ZEB1: variants seen among roughly 807,000 people sequenced by gnomAD.
ZEB1 encodes the protein zinc finger E-box binding homeobox 1.
A neutral mutation model predicts 84.9 loss-of-function variants in ZEB1; 21 were observed. The observed-to-expected ratio is 0.25, with a 90% confidence interval of 0.18 to 0.36. The LOEUF is 0.36. Among genes scored for constraint, ZEB1 ranks in the 10% least tolerant of loss-of-function variants. ZEB1 has a pLI of 1.00. For missense variants in ZEB1, 1,104 were observed against 1,330.2 expected (o/e 0.83, Z 2.65); for synonymous variants, 420 against 471.1 (o/e 0.89, Z 1.41).
chr10:31,356,027 G>A (rs2042064131), intron 1 of ZEB1, among the ~76,000 whole-genome samples: 1 of 152,000 alleles, frequency 6.6e-6, no homozygotes, highest in Admixed American at 6.6e-5. Context: ...TGAAATTTGG[G>A]ATGTGAACAA....
At chr10:31,353,480 T>C (rs541558916) in intron 1 of ZEB1, among the ~76,000 whole-genome samples, 1 of 152,350 alleles carries the variant, frequency 6.6e-6, no homozygotes, top group Non-Finnish European at 1.5e-5. Flanking sequence ...AGTGGCTATT[T>C]GCCATAGTTC....
rs2050920683 is a variant in ZEB1 at position 31,397,163 on chromosome 10, TTATTA to T, written c.59-63872_59-63868del. On this transcript the variant is annotated intron_variant, in intron 1 of 8. Coordinates refer to ENST00000424869, the MANE Select transcript of ZEB1 (RefSeq NM_001174096.2). ...GAGAAGCTTCATCTTGGGTTTTTTA[TTATTA>T]TTATTATTATTATTATTATTATTAT... Among the ~76,000 whole-genome samples the T allele has an allele frequency of 6.6e-5, 4 of 60,448 alleles. No homozygotes were observed. The South Asian group carries it at 2.1e-3, about 32-fold the overall frequency. The allele number at this position is 60,448 out of a possible 152,430, so 39.7% of individuals were successfully genotyped here. A position where few individuals can be genotyped will look rare whatever the true frequency, so the allele number is the denominator to read the frequency against.
intron 3 of ZEB1, 102 bp downstream of exon 3, chr10:31,495,940 C>A: frequency 1.6e-6 from 2 of 1,246,852 alleles, no homozygotes; most frequent in South Asian, 2.4e-5. Context: ...GTTTCCTTCT[C>A]TTTTATCTTA....
At chr10:31,421,634 A>T (rs989566745) in intron 1 of ZEB1, among the ~76,000 whole-genome samples, 1 of 151,946 alleles carries the variant, frequency 6.6e-6, no homozygotes, top group South Asian at 2.1e-4. Flanking sequence ...AAGCTTAGAC[A>T]TTGCCTCCCT....
At chr10:31,526,635 TACC>T (rs752250863) in intron 8 of ZEB1, 34 bp from the exon 9 acceptor site, 4 of 1,609,274 alleles carry the variant, frequency 2.5e-6, no homozygotes, top group Non-Finnish European at 3.4e-6. Context: ...ATTTGCTGAA[TACC>T]ACCATTTTAT....
chr10:31,449,507 T>C (rs1194970421), intron 1 of ZEB1, among the ~76,000 whole-genome samples: 1 of 152,178 alleles, frequency 6.6e-6, no homozygotes, highest in African/African-American at 2.4e-5. Context: ...TGATTTCGTG[T>C]GGGTTTCATT....
chr10:31,358,692 C>T (rs1281790556), intron 1 of ZEB1: 3 of 152,034 alleles, frequency 2.0e-5, no homozygotes, highest in East Asian at 1.9e-4. Context: ...AAAAGAAATA[C>T]TTATTTTTAA....
At position 31,418,277 on chromosome 10, in the gene ZEB1, C is replaced by T. The variant is rs961242209; in HGVS notation, c.59-42760C>T. Reference sequence around the variant, plus strand: ...GCAGACAAGAGCAGGAGGATTCCTGCAAGGGGAATATGAACAAATACCCAG... The same window carrying T: ...GCAGACAAGAGCAGGAGGATTCCTGTAAGGGGAATATGAACAAATACCCAG... On this transcript the variant is annotated intron_variant, in intron 1 of 8. Coordinates refer to ENST00000424869, the MANE Select transcript of ZEB1 (RefSeq NM_001174096.2). Among the ~76,000 whole-genome samples the T allele has an allele frequency of 1.3e-4, 20 of 151,828 alleles. No individual in the cohort carries two copies. In the Middle Eastern group the frequency reaches 0.01, roughly 77 times the overall value.
intron 1 of ZEB1, among the ~76,000 whole-genome samples, chr10:31,452,742 T>TGTGTGAGAGAGAGAGAGAGAGAGA (rs1387786622): frequency 6.6e-5 from 6 of 90,810 alleles, no homozygotes; most frequent in African/African-American, 3.1e-4. Flanking sequence ...TGTGTGTGTG[T>TGTGTGAGAGAGAGAGAGAGAGAGA]GAGAGAGAGA....
At chr10:31,458,481 G>A (rs747176520) in intron 1 of ZEB1, among the ~76,000 whole-genome samples, 10 of 152,022 alleles carry the variant, frequency 6.6e-5, no homozygotes, top group Middle Eastern at 3.4e-3. Flanking sequence ...ACCCACACAC[G>A]GACTTCACTC....
At chr10:31,446,934 T>C (rs1371890680) in intron 1 of ZEB1, among the ~76,000 whole-genome samples, 2 of 152,146 alleles carry the variant, frequency 1.3e-5, no homozygotes, top group African/African-American at 4.8e-5. Flanking sequence ...TAGGTCTGCT[T>C]GGTTCAGAGC....
At chr10:31,371,192 T>A (rs1404476868) in intron 1 of ZEB1, among the ~76,000 whole-genome samples, 1 of 152,144 alleles carries the variant, frequency 6.6e-6, no homozygotes, top group Non-Finnish European at 1.5e-5. Flanking sequence ...AATTCATGAT[T>A]TTGTAATCTG....
At chr10:31,319,149 GGGAGGGGT>G, upstream of ZEB1, 1 of 874,358 alleles carries the variant, frequency 1.1e-6, no homozygotes, top group Non-Finnish European at 1.8e-6. Flanking sequence ...GTGGGGAGGG[GGGAGGGGT>G]GGAGGCGGAG....
chr10:31,433,950 A>G (rs952974657), intron 1 of ZEB1, among the ~76,000 whole-genome samples: 2 of 152,216 alleles, frequency 1.3e-5, no homozygotes, highest in Admixed American at 1.3e-4. Context: ...TAATGGAGGA[A>G]AGAAATTGCT....
intron 1 of ZEB1, among the ~76,000 whole-genome samples, chr10:31,394,866 G>A (rs2050410173): frequency 6.6e-6 from 1 of 152,126 alleles, no homozygotes; most frequent in Non-Finnish European, 1.5e-5. Flanking sequence ...GAGCTAGTGT[G>A]GTGACAATGA....
intron 1 of ZEB1, among the ~76,000 whole-genome samples, chr10:31,354,166 C>G (rs1028301224): frequency 6.6e-6 from 1 of 152,072 alleles, no homozygotes; most frequent in Non-Finnish European, 1.5e-5. Context: ...TTAGGGGGAA[C>G]ATTTTATTTC....
At chr10:31,363,551 C>G (rs1323326048) in intron 1 of ZEB1, 2 of 1,528,176 alleles carry the variant, frequency 1.3e-6, no homozygotes, top group Non-Finnish European at 8.8e-7. Context: ...CCCTGGGTCT[C>G]TACCTGGTCT....
At chr10:31,403,724 G>A (rs2052478349) in intron 1 of ZEB1, among the ~76,000 whole-genome samples, 1 of 151,826 alleles carries the variant, frequency 6.6e-6, no homozygotes, top group African/African-American at 2.4e-5. Flanking sequence ...GTGATTACTA[G>A]TATATTATGT....
At chr10:31,408,416 G>A (rs1456778338) in intron 1 of ZEB1, among the ~76,000 whole-genome samples, 1 of 151,910 alleles carries the variant, frequency 6.6e-6, no homozygotes, top group East Asian at 1.9e-4. Flanking sequence ...TATGGAACCA[G>A]AAAAGAGCCT....
Sources: allele counts gnomAD v4.1 joint callset (sites outside exome capture counted in the v4.1 genomes callset), GRCh38; gene constraint gnomAD v4.1.1; transcripts MANE v1.5; gene names NCBI Gene and HGNC (gene_info 2026-07-23, HGNC 2026-07-21).